The following GCFC2 variants were observed in gnomAD, a reference collection of about 807,000 sequenced individuals.
GCFC2 encodes intron Large complex component GCFC2.
A neutral mutation model predicts 99.4 loss-of-function variants in GCFC2; 102 were observed. The observed-to-expected ratio is 1.03, with a 90% CI of 0.87 to 1.21. GCFC2 has a LOEUF of 1.21. Ranked by LOEUF, GCFC2 falls within the 50% of genes most tolerant of loss-of-function variation. GCFC2 has a pLI of 0.00. For missense variants in GCFC2, 973 were observed against 920.9 expected (o/e 1.06, Z -0.73); for synonymous variants, 338 against 316.8 (o/e 1.07, Z -0.71).
At chr2:75,685,927 C>A (rs1256090823) in intron 11 of GCFC2, among the ~76,000 whole-genome samples, 2 of 152,172 alleles carry the variant, frequency 1.3e-5, no homozygotes, top group African/African-American at 2.4e-5. Flanking sequence ...TCCAGTTGCT[C>A]AGGCCAATTC....
At chr2:75,667,729 T>C (rs1461190003) in intron 15 of GCFC2, among the ~76,000 whole-genome samples, 1 of 152,196 alleles carries the variant, frequency 6.6e-6, no homozygotes, top group Non-Finnish European at 1.5e-5. Flanking sequence ...GCACTAAAAG[T>C]CGATTTTCTT....
intron 7 of GCFC2, among the ~76,000 whole-genome samples, chr2:75,691,593 G>A (rs1049927659): frequency 1.3e-5 from 2 of 151,998 alleles, no homozygotes; most frequent in African/African-American, 4.8e-5. Context: ...GGAGGCATCC[G>A]TATTTTATAT....
chr2:75,701,706 G>GA, intron 3 of GCFC2: 1 of 244,444 alleles, frequency 4.1e-6, no homozygotes, highest in Non-Finnish European at 6.6e-6. Context: ...GTCCTTTTCT[G>GA]AAAAAAATAT....
chr2:75,673,698 T>A (rs537840853), intron 12 of GCFC2, among the ~76,000 whole-genome samples, 178 bp from the exon 13 acceptor site: 1 of 152,250 alleles, frequency 6.6e-6, no homozygotes, highest in African/African-American at 2.4e-5. Flanking sequence ...ATGGGTATAG[T>A]TGGATCAATT....
rs201329940 is a variant in GCFC2, at chr2:75,710,871, G to T, written c.-16C>A. The T allele has an allele frequency of 3.3e-6, 5 of 1,535,324 alleles. No homozygotes were observed. The highest frequency in any genetic ancestry group is 1.9e-5 in the Admixed American group (1 of 53,864). ...TGTGAGCCATGGCCGAGGCCCGAGCGCCCGGCGCCCTAGAACCCGCTGAAC... is the reference window on the plus strand; with the variant it reads ...TGTGAGCCATGGCCGAGGCCCGAGCTCCCGGCGCCCTAGAACCCGCTGAAC... On this transcript the variant is annotated 5_prime_UTR_variant, in exon 1 of 17. Coordinates refer to ENST00000321027, the MANE Select transcript of GCFC2 (RefSeq NM_003203.5).
chr2:75,677,501 C>T (rs563730472), intron 12 of GCFC2, among the ~76,000 whole-genome samples: 1 of 152,266 alleles, frequency 6.6e-6, no homozygotes, highest in South Asian at 2.1e-4. Context: ...GCTACTGCCA[C>T]CTAGTGGGCA....
intron 2 of GCFC2, among the ~76,000 whole-genome samples, chr2:75,703,599 T>C (rs1369817573): frequency 6.6e-6 from 1 of 152,230 alleles, no homozygotes; most frequent in Non-Finnish European, 1.5e-5. Context: ...ATTTATAGAC[T>C]ACTGTCAGGG....
Position 75,690,707 on chromosome 2 carries a change from G to A in GCFC2, c.1157C>T (p.Thr386Ile), listed in dbSNP as rs1306090735. 2 of 1,532,512 alleles carry A rather than the reference G, an allele frequency of 1.3e-6. No homozygotes were observed. The highest frequency in any genetic ancestry group is 1.7e-4 in the Middle Eastern group (1 of 5,890). The allele number at this position is 1,532,512 out of a possible 1,614,324, so 94.9% of individuals were successfully genotyped here. ...TACTGAGAAGTTTCCACTTGTGGAT[G>A]TCTCATCTTTGCCTGTTAATAAATA... ...YLQQLSRKDETSTSGNFSVDE... is the reference protein window; with the variant it reads ...YLQQLSRKDEISTSGNFSVDE... The change falls in exon 8 of 17, where the codon ACA becomes ATA. Residue 386 changes from threonine (T) to isoleucine (I), a missense_variant. By Grantham distance (89) the Thr-to-Ile change is moderately conservative. Transcript: ENST00000321027.
rs576885270 is a variant in GCFC2 at position 75,682,085 on chromosome 2, C to T, written c.1691-1771G>A. ...GCAGTGGTTCTCTCAGCACAGTGTT[C>T]GAGCTCTGCTAAGGGACACACTGCC... On this transcript the variant is annotated intron_variant, in intron 11 of 16. Transcript: ENST00000321027. Among the ~76,000 whole-genome samples, 53 of 152,002 alleles carry T rather than the reference C, an allele frequency of 3.5e-4. 1 individual carries two copies. The highest frequency in any genetic ancestry group is 1.2e-3 in the African/African-American group (50 of 41,278).
At position 75,690,619 on chromosome 2, in the gene GCFC2, C is replaced by G; in HGVS notation, c.1226+19G>C. The G allele has an allele frequency of 8.7e-7, 1 of 1,149,930 alleles. No homozygotes were observed. The highest frequency in any genetic ancestry group is 1.3e-6 in the Non-Finnish European group (1 of 772,898). The allele number at this position is 1,149,930 out of a possible 1,614,324, so 71.2% of individuals were successfully genotyped here. On this transcript the variant is annotated intron_variant, in intron 8 of 16. Transcript: ENST00000321027. ...TTGCTCAATGATGCTTTCTTTAAAT[C>G]TTCACTTTATATAGGTACCTTCGAG...
intron 16 of GCFC2, 30 bp downstream of exon 16, chr2:75,665,895 CTCTT>C (rs1678817318): frequency 2.8e-6 from 4 of 1,425,290 alleles, no homozygotes; most frequent in Non-Finnish European, 3.9e-6. Flanking sequence ...TCCATGAACT[CTCTT>C]TATAGAAGTG....
rs577528447 is a variant in GCFC2, at chr2:75,701,432, A to G, written c.620-145T>C. ...ATAATAATTCTGGGAAGAAGGCACT[A>G]TTACTGCCCTCATTTCACAAATGAG... On this transcript the variant is annotated intron_variant, in intron 3 of 16. Transcript: ENST00000321027. 5.0e-6 allele frequency: 3 copies of G among 601,280 alleles called. No homozygotes were observed. In the Admixed American group the frequency reaches 9.1e-5, roughly 18 times the overall value. 37.2% of individuals were successfully genotyped at this position (601,280 alleles called of 1,614,324 possible). A position where few individuals can be genotyped will look rare whatever the true frequency, so the allele number is the denominator to read the frequency against.
At chr2:75,690,958 T>C in intron 7 of GCFC2, 1 of 358,672 alleles carries the variant, frequency 2.8e-6, no homozygotes, top group Non-Finnish European at 5.0e-6. Flanking sequence ...CTTTTGCTGT[T>C]GTTGAGAACA....
rs76100204 is a variant in GCFC2, at chr2:75,674,756, T to C, written c.1813-1236A>G. 3.2e-3 allele frequency among the ~76,000 whole-genome samples: 485 copies of C among 152,306 alleles called. 4 individuals are homozygous for C. Among genetic ancestry groups the C allele is most frequent in the African/African-American group, 0.011 (463 of 41,578 alleles). The stretch of plus-strand genomic sequence containing the variant: ...ATACTAACTGAATTATCCATAAATG[T>C]AGAATTCAAATATATTTTTCTTAAA... On this transcript the variant is annotated intron_variant, in intron 12 of 16. Coordinates refer to ENST00000321027, the MANE Select transcript of GCFC2 (RefSeq NM_003203.5).
intron 1 of GCFC2, among the ~76,000 whole-genome samples, chr2:75,709,724 C>T (rs1484604876): frequency 1.3e-5 from 2 of 152,262 alleles, no homozygotes; most frequent in Non-Finnish European, 2.9e-5. Flanking sequence ...AAGTAAGTAC[C>T]TAAGGTAAAG....
chr2:75,703,392 T>A (rs1478629452), intron 2 of GCFC2, among the ~76,000 whole-genome samples: 2 of 151,984 alleles, frequency 1.3e-5, no homozygotes, highest in Non-Finnish European at 2.9e-5. Flanking sequence ...GCACAAAAGC[T>A]CCCATGTTTG....
chr2:75,687,341 T>C (rs1218021441), intron 11 of GCFC2, among the ~76,000 whole-genome samples: 1 of 152,034 alleles, frequency 6.6e-6, no homozygotes, highest in African/African-American at 2.4e-5. Context: ...ATGACTGAAG[T>C]GCCATAAAAG....
At chr2:75,704,492 G>C (rs1053000691) in intron 2 of GCFC2, among the ~76,000 whole-genome samples, 6 of 152,198 alleles carry the variant, frequency 3.9e-5, no homozygotes, top group Admixed American at 6.5e-5. Flanking sequence ...TCACTGCGCT[G>C]AACTGTTCTG....
rs576428553 is a variant in GCFC2 at position 75,665,532 on chromosome 2, C to A, written c.2228+397G>T. Among the ~76,000 whole-genome samples, 8 of 151,984 alleles carry A rather than the reference C, an allele frequency of 5.3e-5. No individual in the cohort carries two copies. In the South Asian group the frequency reaches 1.7e-3, roughly 32 times the overall value. ...TATTTAAGCCCCCAAACAGCTGGTG[C>A]TGTGAACGAAACATTCAGAACAGAG... On this transcript the variant is annotated intron_variant, in intron 16 of 16. Coordinates refer to ENST00000321027, the MANE Select transcript of GCFC2 (RefSeq NM_003203.5).
Sources: allele counts gnomAD v4.1 joint callset (sites outside exome capture counted in the v4.1 genomes callset), GRCh38; gene constraint gnomAD v4.1.1; transcripts MANE v1.5; gene names NCBI Gene and HGNC (gene_info 2026-07-23, HGNC 2026-07-21).